Variants in SPATA6 observed in about 807,000 individuals in gnomAD.
SPATA6 encodes the protein spermatogenesis associated 6.
A neutral mutation model predicts 65.3 loss-of-function variants in SPATA6; 56 were observed. That is an observed-to-expected ratio of 0.86 (90% CI 0.69 to 1.07). The LOEUF is 1.07. Among genes scored for constraint, SPATA6 ranks in the 50% least tolerant of loss-of-function variants. The pLI is 0.00. For missense variants in SPATA6, 590 were observed against 594.8 expected, an observed-to-expected ratio of 0.99 and a Z score of 0.08; for synonymous variants, 199 against 213.2, an observed-to-expected ratio of 0.93 and a Z score of 0.58.
At chr1:48,462,086 T>A (rs1657476231) in intron 1 of SPATA6, among the ~76,000 whole-genome samples, 1 of 151,624 alleles carries the variant, frequency 6.6e-6, no homozygotes, top group Non-Finnish European at 1.5e-5. Flanking sequence ...CAGTAAACTA[T>A]CGCAAGGACA....
intron 3 of SPATA6, chr1:48,436,128 C>A: frequency 1.2e-6 from 2 of 1,610,202 alleles, no homozygotes; most frequent in South Asian, 2.2e-5. Context: ...GTTCCACCAA[C>A]GTTTCTCACT....
chr1:48,440,619 C>T (rs1414030247), intron 3 of SPATA6, among the ~76,000 whole-genome samples: 3 of 152,140 alleles, frequency 2.0e-5, no homozygotes, highest in Non-Finnish European at 4.4e-5. Context: ...TAGGGAAAAG[C>T]CCATGAATTA....
intron 11 of SPATA6, among the ~76,000 whole-genome samples, chr1:48,313,673 G>A (rs1645301232): frequency 6.6e-6 from 1 of 152,064 alleles, no homozygotes; most frequent in Non-Finnish European, 1.5e-5. Flanking sequence ...CATAATGACA[G>A]GATCAAATTC....
chr1:48,381,046 T>G (rs1648511497), intron 9 of SPATA6, among the ~76,000 whole-genome samples: 1 of 152,124 alleles, frequency 6.6e-6, no homozygotes, highest in Non-Finnish European at 1.5e-5. Context: ...CCTAGATCCC[T>G]CATATGCACA....
intron 9 of SPATA6, among the ~76,000 whole-genome samples, chr1:48,368,775 G>C (rs565125687): frequency 6.6e-6 from 1 of 152,092 alleles, no homozygotes; most frequent in African/African-American, 2.4e-5. Flanking sequence ...TTGATCGTCC[G>C]AAGACTTCTT....
chr1:48,349,091 A>G (rs1443896620), intron 11 of SPATA6, among the ~76,000 whole-genome samples: 3 of 152,066 alleles, frequency 2.0e-5, no homozygotes, highest in African/African-American at 4.8e-5. Flanking sequence ...TTTGTAAATG[A>G]CTATAAAAAT....
At chr1:48,347,153 A>G (rs1019184348) in intron 11 of SPATA6, among the ~76,000 whole-genome samples, 4 of 152,002 alleles carry the variant, frequency 2.6e-5, no homozygotes, top group Non-Finnish European at 4.4e-5. Context: ...GAACCCAGAA[A>G]TAAGGCCACA....
chr1:48,406,412 T>A (rs1489542901), intron 5 of SPATA6, among the ~76,000 whole-genome samples: 1 of 152,210 alleles, frequency 6.6e-6, no homozygotes, highest in Non-Finnish European at 1.5e-5. Flanking sequence ...TAGAATAACA[T>A]CTAGACTTGT....
intron 6 of SPATA6, chr1:48,402,556 C>T (rs1651269160): frequency 6.6e-6 from 1 of 152,176 alleles, no homozygotes; most frequent in Non-Finnish European, 1.5e-5. Context: ...TAAATAACTA[C>T]AGCCTGACTC....
At chr1:48,369,370 C>G (rs906992335) in intron 9 of SPATA6, among the ~76,000 whole-genome samples, 1 of 152,178 alleles carries the variant, frequency 6.6e-6, no homozygotes, top group Admixed American at 6.5e-5. Context: ...CTGTGCCCTG[C>G]CCCCAGAGGT....
intron 11 of SPATA6, among the ~76,000 whole-genome samples, chr1:48,310,628 G>A (rs1034070073): frequency 6.6e-6 from 1 of 152,132 alleles, no homozygotes; most frequent in Non-Finnish European, 1.5e-5. Context: ...CAGGATGTGT[G>A]TACAGTTCGA....
intron 7 of SPATA6, among the ~76,000 whole-genome samples, chr1:48,396,936 C>T (rs1395497238): frequency 6.6e-6 from 1 of 151,406 alleles, no homozygotes; most frequent in African/African-American, 2.4e-5. Flanking sequence ...ATATATATAA[C>T]CACAATTTAA....
At chr1:48,323,779 G>A (rs533630931) in intron 11 of SPATA6, among the ~76,000 whole-genome samples, 13 of 152,126 alleles carry the variant, frequency 8.5e-5, no homozygotes, top group Middle Eastern at 3.4e-3. Context: ...TCCTAAACAC[G>A]TAAAACTTAC....
chr1:48,456,620 T>C (rs1457298340), intron 1 of SPATA6, among the ~76,000 whole-genome samples: 3 of 152,136 alleles, frequency 2.0e-5, no homozygotes, highest in Non-Finnish European at 4.4e-5. Flanking sequence ...TCTTGTCTAA[T>C]GATCTAAATG....
intron 1 of SPATA6, among the ~76,000 whole-genome samples, chr1:48,461,950 T>A (rs549219777): frequency 1.3e-5 from 2 of 152,288 alleles, no homozygotes; most frequent in Admixed American, 1.3e-4. Flanking sequence ...AACCCAAATG[T>A]CCAACAGTGA....
the SPATA6 span, chr1:48,262,523 C>A: frequency 6.6e-6 from 1 of 152,062 alleles, no homozygotes; most frequent in Admixed American, 6.6e-5. Context: ...AATAGACACA[C>A]ATAATTAGGG....
chr1:48,371,996 G>A (rs564954906), intron 9 of SPATA6, among the ~76,000 whole-genome samples: 95 of 152,098 alleles, frequency 6.2e-4, no homozygotes, highest in Non-Finnish European at 1.1e-3. Context: ...CAACATGTGG[G>A]AATTCTGGGA....
intron 3 of SPATA6, among the ~76,000 whole-genome samples, chr1:48,419,135 C>A (rs148920007): frequency 2.1e-4 from 32 of 152,272 alleles, no homozygotes; most frequent in African/African-American, 7.5e-4. Flanking sequence ...TAAACAGTAT[C>A]TTCTGTGTGT....
At chr1:48,280,431 G>A in the SPATA6 span, among the ~76,000 whole-genome samples, 6 of 152,062 alleles carry the variant, frequency 3.9e-5, no homozygotes, top group African/African-American at 1.2e-4. Flanking sequence ...TAGATAGACT[G>A]CTAGCAAGAC....
Sources: allele counts gnomAD v4.1 joint callset (sites outside exome capture counted in the v4.1 genomes callset), GRCh38; gene constraint gnomAD v4.1.1; transcripts MANE v1.5; gene names NCBI Gene and HGNC (gene_info 2026-07-23, HGNC 2026-07-21).